NRXN3: variants seen among roughly 807,000 people sequenced by gnomAD.
NRXN3 encodes neurexin III.
In NRXN3, 32 loss-of-function variants were observed where a neutral mutation model predicts 137.6. The ratio of observed to expected loss-of-function variants is 0.23; its 90% CI spans 0.18 to 0.31. The LOEUF is 0.31. NRXN3 is among the 10% of genes least tolerant of loss of function. The pLI is 1.00. For missense variants in NRXN3, 1,574 were observed against 2,062.5 expected (o/e 0.76, Z 4.59); for synonymous variants, 798 against 784.5 (o/e 1.02, Z -0.29).
chr14:78,311,727 T>C (rs950245568), intron 4 of NRXN3, among the ~76,000 whole-genome samples: 1 of 150,030 alleles, frequency 6.7e-6, no homozygotes, highest in Non-Finnish European at 1.5e-5. Context: ...TTTTGATAGA[T>C]GTGTCTGCTT....
chr14:78,263,598 T>A (rs1279697946), intron 2 of NRXN3, among the ~76,000 whole-genome samples: 3 of 152,214 alleles, frequency 2.0e-5, no homozygotes, highest in Non-Finnish European at 4.4e-5. Flanking sequence ...TTTATCTTAC[T>A]GAATTATTTT....
intron 16 of NRXN3, among the ~76,000 whole-genome samples, chr14:79,591,929 A>G (rs1001743784): frequency 1.5e-5 from 2 of 132,788 alleles, no homozygotes; most frequent in Admixed American, 1.4e-4. Context: ...TTATTGAGGT[A>G]TAACTTACAT....
chr14:78,458,382 G>A (rs1038480725), intron 4 of NRXN3, among the ~76,000 whole-genome samples: 2 of 152,156 alleles, frequency 1.3e-5, no homozygotes, highest in South Asian at 4.1e-4. Flanking sequence ...TGGAATGTGT[G>A]TACCACCACT....
chr14:79,151,911 C>A (rs2153034921), intron 15 of NRXN3, among the ~76,000 whole-genome samples: 1 of 152,108 alleles, frequency 6.6e-6, no homozygotes, highest in South Asian at 2.1e-4. Flanking sequence ...TTTATATTTT[C>A]ATACTATAAC....
intron 4 of NRXN3, among the ~76,000 whole-genome samples, chr14:78,383,608 C>G (rs932729171): frequency 5.3e-5 from 8 of 152,168 alleles, no homozygotes; most frequent in Non-Finnish European, 1.2e-4. Flanking sequence ...CTGTACAACT[C>G]TTAAACAATA....
At chr14:78,981,940 T>C (rs2099490519) in intron 14 of NRXN3, among the ~76,000 whole-genome samples, 1 of 152,176 alleles carries the variant, frequency 6.6e-6, no homozygotes, top group African/African-American at 2.4e-5. Context: ...GCTCACAAAA[T>C]GATCATCTAG....
Position 78,205,725 on chromosome 14 carries a change from G to T in NRXN3, c.-704+35051G>T, listed in dbSNP as rs530185713. ...AAGAGGTGGCAGACAGCTGGGAAAG[G>T]GCCTTGCCTGCCAGGCCAGAGTTTG... On this transcript the variant is annotated intron_variant, in intron 1 of 20. Transcript: ENST00000335750. 7.9e-5 allele frequency among the ~76,000 whole-genome samples: 12 copies of T among 152,296 alleles called. No individual in the cohort carries two copies. The East Asian group carries it at 2.3e-3, about 29-fold the overall frequency.
intron 15 of NRXN3, among the ~76,000 whole-genome samples, chr14:79,254,137 C>T (rs1215720560): frequency 6.6e-6 from 1 of 152,072 alleles, no homozygotes; most frequent in African/African-American, 2.4e-5. Context: ...TATGTGCCCC[C>T]ATAACACTCT....
chr14:78,337,454 C>T (rs146912955), intron 4 of NRXN3, among the ~76,000 whole-genome samples: 215 of 152,114 alleles, frequency 1.4e-3, no homozygotes, highest in Non-Finnish European at 2.3e-3. Context: ...GTAATGGGAA[C>T]GGCAGGGACA....
rs1036110048 is a variant in NRXN3, at chr14:79,280,290, C to T, written c.3263-186931C>T. 9 of 1,613,908 alleles carry T rather than the reference C, an allele frequency of 5.6e-6. No individual in the cohort carries two copies. In the African/African-American group the frequency reaches 6.7e-5, roughly 12 times the overall value. ...CATCTGTAGTGGTCCCGTGCGTTGA[C>T]CATGCACCTGAGAATCCACGCGAGA... On this transcript the variant is annotated intron_variant, in intron 15 of 20. Coordinates refer to ENST00000335750, the MANE Select transcript of NRXN3 (RefSeq NM_001330195.2).
At chr14:78,536,484 A>C (rs896666742) in intron 4 of NRXN3, among the ~76,000 whole-genome samples, 1 of 152,234 alleles carries the variant, frequency 6.6e-6, no homozygotes, top group Non-Finnish European at 1.5e-5. Flanking sequence ...TATCATAAGT[A>C]GATCTCGATA....
intron 15 of NRXN3, among the ~76,000 whole-genome samples, chr14:79,375,685 A>G (rs2153443288): frequency 6.6e-6 from 1 of 152,270 alleles, no homozygotes; most frequent in East Asian, 1.9e-4. Context: ...GTTTTCACAC[A>G]GCCCCATTTT....
intron 5 of NRXN3, among the ~76,000 whole-genome samples, 166 bp from the exon 6 acceptor site, chr14:78,650,999 C>A (rs1454600887): frequency 6.6e-6 from 1 of 152,128 alleles, no homozygotes; most frequent in African/African-American, 2.4e-5. Flanking sequence ...GGAGGCAGAC[C>A]AGAAAATGGA....
intron 15 of NRXN3, among the ~76,000 whole-genome samples, chr14:79,059,443 G>A (rs1568146851): frequency 6.6e-6 from 1 of 151,818 alleles, no homozygotes; most frequent in Non-Finnish European, 1.5e-5. Context: ...ATTTTTAGTA[G>A]AGACGGGGTT....
intron 4 of NRXN3, among the ~76,000 whole-genome samples, chr14:78,473,715 A>T (rs568593601): frequency 1.2e-3 from 183 of 152,344 alleles, no homozygotes; most frequent in African/African-American, 4.3e-3. Context: ...CATAGTAAAG[A>T]TGATAGCAAG....
intron 16 of NRXN3, among the ~76,000 whole-genome samples, chr14:79,660,414 G>C (rs2098527802): frequency 1.3e-5 from 2 of 152,124 alleles, no homozygotes; most frequent in Admixed American, 6.5e-5. Flanking sequence ...AAACACCTGG[G>C]AAAGGATCTC....
At chr14:78,723,579 G>A (rs2098469997) in intron 8 of NRXN3, among the ~76,000 whole-genome samples, 2 of 152,150 alleles carry the variant, frequency 1.3e-5, no homozygotes, top group African/African-American at 4.8e-5. Flanking sequence ...CGGAACATAT[G>A]TATTTACCTT....
At chr14:78,718,818 G>A (rs544134698) in intron 8 of NRXN3, among the ~76,000 whole-genome samples, 3 of 152,156 alleles carry the variant, frequency 2.0e-5, no homozygotes, top group Non-Finnish European at 2.9e-5. Context: ...TGTGAGAGAC[G>A]TCTCCATGAC....
At chr14:78,899,783 A>G (rs2099189636) in intron 10 of NRXN3, among the ~76,000 whole-genome samples, 1 of 152,026 alleles carries the variant, frequency 6.6e-6, no homozygotes, top group South Asian at 2.1e-4. Flanking sequence ...TAAAAGTACT[A>G]CTTCTTGAAG....
Sources: gnomAD v4.1 joint callset for allele counts (sites outside exome capture counted in the v4.1 genomes callset) on GRCh38, gnomAD v4.1.1 for gene constraint, MANE v1.5 for transcripts, NCBI Gene and HGNC (gene_info 2026-07-23, HGNC 2026-07-21) for gene names.